SGCZ: variants seen among roughly 807,000 people sequenced by gnomAD.
The protein encoded by SGCZ is sarcoglycan zeta, also known as zeta-sarcoglycan.
Under a neutral mutation model 41.3 loss-of-function variants are expected in SGCZ, and 40 were observed. That is an observed-to-expected ratio of 0.97 (90% CI 0.75 to 1.26). The LOEUF is 1.26. Ranked by LOEUF, SGCZ falls within the 50% of genes most tolerant of loss-of-function variation. The pLI, the probability that SGCZ is intolerant of heterozygous loss-of-function variation, is 0.00. For synonymous variants in SGCZ, 206 were observed against 137.5 expected, an observed-to-expected ratio of 1.50 and a Z score of -3.49; for missense variants, 552 against 369.8, an observed-to-expected ratio of 1.49 and a Z score of -4.04.
chr8:15,015,460 G>A (rs1802989485), intron 1 of SGCZ, among the ~76,000 whole-genome samples: 1 of 152,020 alleles, frequency 6.6e-6, no homozygotes, highest in Non-Finnish European at 1.5e-5. Context: ...AGCACTTTGG[G>A]AGGCCAAGGC....
chr8:15,005,071 C>A lies in SGCZ; in HGVS notation c.39+232514G>T, dbSNP rs973388608. 2.0e-5 allele frequency among the ~76,000 whole-genome samples: 3 copies of A among 152,204 alleles called. No individual in the cohort carries two copies. The East Asian group carries it at 5.8e-4, about 29-fold the overall frequency. ...TCTTTCTAGATCACTTCACACGGTG[C>A]GCTAGATGGCAGAGGCTTCCTAAGG... On this transcript the variant is annotated intron_variant, in intron 1 of 7. Coordinates refer to ENST00000382080, the MANE Select transcript of SGCZ (RefSeq NM_139167.4).
Position 14,798,244 on chromosome 8 carries a change from G to C in SGCZ, c.40-243318C>G, listed in dbSNP as rs144056992. Among the ~76,000 whole-genome samples, 730 of 152,266 alleles carry C rather than the reference G, an allele frequency of 4.8e-3. 5 individuals carry two copies. The highest frequency in any genetic ancestry group is 0.016 in the African/African-American group (676 of 41,562). ...AAAAATCATTGACCCAATGAGGAAA[G>C]TATAGAAATCAATGAAGAAAGTATA... is the stretch of plus-strand genomic sequence containing the variant. On this transcript the variant is annotated intron_variant, in intron 1 of 7. Transcript: ENST00000382080.
chr8:15,224,792 G>A (rs756785028), intron 1 of SGCZ, among the ~76,000 whole-genome samples: 7 of 152,208 alleles, frequency 4.6e-5, no homozygotes, highest in Middle Eastern at 3.4e-3. Flanking sequence ...AGTGATATTC[G>A]TAAAAGCTGA....
Position 14,087,709 on chromosome 8 carries a change from ATT to A in SGCZ, c.*2732_*2733del, listed in dbSNP as rs56942554. ...TACTGTGCAATTAAGGGACCACTAT[ATT>A]TTTAAAAAAAAAAAAATGCTTTTTT... On this transcript the variant is annotated 3_prime_UTR_variant, in exon 8 of 8. Transcript: ENST00000382080. 1.6e-4 allele frequency among the ~76,000 whole-genome samples: 20 copies of A among 123,984 alleles called. No homozygotes were observed. Among genetic ancestry groups the A allele is most frequent in the African/African-American group, 4.2e-4 (11 of 26,118 alleles). The allele number at this position is 123,984 out of a possible 152,430, so 81.3% of individuals were successfully genotyped here.
rs117725649 is a variant in SGCZ, at chr8:14,550,912, T to C, written c.234+3820A>G. Among the ~76,000 whole-genome samples, 1,322 of 152,072 alleles carry C rather than the reference T, an allele frequency of 8.7e-3. 13 individuals carry two copies. Among genetic ancestry groups the C allele is most frequent in the Non-Finnish European group, 0.013 (898 of 67,954 alleles). On this transcript the variant is annotated intron_variant, in intron 2 of 7. Transcript: ENST00000382080. ...TTCCCTTTCAATCCAAAAACGACAA[T>C]GATACTCAATTATTTTCTTGGGATT...
chr8:14,421,872 C>G (rs11986178), intron 2 of SGCZ, among the ~76,000 whole-genome samples: 14 of 151,744 alleles, frequency 9.2e-5, no homozygotes, highest in African/African-American at 3.4e-4. Context: ...TACTTTGAAT[C>G]CAGAATCCTG....
chr8:14,780,926 G>C (rs889440259), intron 1 of SGCZ, among the ~76,000 whole-genome samples: 1 of 152,092 alleles, frequency 6.6e-6, no homozygotes, highest in Non-Finnish European at 1.5e-5. Context: ...AAATGAGTAA[G>C]CAAAATTTCT....
intron 2 of SGCZ, among the ~76,000 whole-genome samples, chr8:14,326,847 C>T (rs920110693): frequency 4.6e-5 from 7 of 152,144 alleles, no homozygotes; most frequent in Admixed American, 4.6e-4. Flanking sequence ...TTACCACCCA[C>T]TTACTGGCTC....
chr8:15,120,361 A>G (rs560344161), intron 1 of SGCZ, among the ~76,000 whole-genome samples: 10 of 152,324 alleles, frequency 6.6e-5, no homozygotes, highest in African/African-American at 2.4e-4. Flanking sequence ...AAAATCCTAT[A>G]CAGGTAGTAT....
At chr8:14,622,465 C>T (rs1806317592) in intron 1 of SGCZ, among the ~76,000 whole-genome samples, 1 of 152,128 alleles carries the variant, frequency 6.6e-6, no homozygotes. Flanking sequence ...TTACCAGCAT[C>T]CAGAGAAGCC....
intron 1 of SGCZ, among the ~76,000 whole-genome samples, chr8:14,736,669 T>C (rs1370589221): frequency 2.0e-5 from 3 of 152,054 alleles, no homozygotes; most frequent in Non-Finnish European, 4.4e-5. Context: ...ATTGTGTCAT[T>C]CTTATGCCTT....
At chr8:15,038,712 G>C (rs1384753884) in intron 1 of SGCZ, among the ~76,000 whole-genome samples, 1 of 148,844 alleles carries the variant, frequency 6.7e-6, no homozygotes, top group Non-Finnish European at 1.5e-5. Flanking sequence ...TATCACTTCT[G>C]ATAAGGAGTT....
At chr8:15,156,428 T>C (rs1237498674) in intron 1 of SGCZ, among the ~76,000 whole-genome samples, 1 of 152,200 alleles carries the variant, frequency 6.6e-6, no homozygotes, top group Non-Finnish European at 1.5e-5. Flanking sequence ...GAAAGACTCA[T>C]TTTATCAGCA....
intron 1 of SGCZ, among the ~76,000 whole-genome samples, chr8:14,961,968 C>T (rs919055096): frequency 2.5e-4 from 38 of 152,166 alleles, no homozygotes; most frequent in Non-Finnish European, 3.2e-4. Context: ...TCTTGCGGAG[C>T]ACTGATTATA....
chr8:14,426,759 G>A (rs1436617598), intron 2 of SGCZ, among the ~76,000 whole-genome samples: 2 of 152,080 alleles, frequency 1.3e-5, no homozygotes, highest in African/African-American at 4.8e-5. Context: ...AAAAGTGTAT[G>A]CTGAGAAAAA....
chr8:14,426,486 G>A (rs1248168295), intron 2 of SGCZ, among the ~76,000 whole-genome samples: 3 of 151,520 alleles, frequency 2.0e-5, no homozygotes, highest in African/African-American at 7.3e-5. Context: ...GAGAGGCAGA[G>A]AACTAGAGCA....
intron 1 of SGCZ, among the ~76,000 whole-genome samples, chr8:15,208,854 T>A (rs1801151969): frequency 6.7e-6 from 1 of 150,010 alleles, no homozygotes; most frequent in Admixed American, 6.7e-5. Context: ...CTTATATAAT[T>A]CCTATATATC....
At chr8:15,235,736 AAG>A (rs1274299470) in intron 1 of SGCZ, among the ~76,000 whole-genome samples, 3 of 146,454 alleles carry the variant, frequency 2.0e-5, no homozygotes, top group African/African-American at 8.3e-5. Flanking sequence ...TTTCAGGGGA[AAG>A]AATCACCCCA....
At chr8:15,224,530 A>G (rs1801706113) in intron 1 of SGCZ, among the ~76,000 whole-genome samples, 1 of 152,196 alleles carries the variant, frequency 6.6e-6, no homozygotes, top group Admixed American at 6.5e-5. Flanking sequence ...AAGGGAAGTA[A>G]TTTCTGGGAT....
Sources: gnomAD v4.1 joint callset for allele counts (sites outside exome capture counted in the v4.1 genomes callset) on GRCh38, gnomAD v4.1.1 for gene constraint, MANE v1.5 for transcripts, NCBI Gene and HGNC (gene_info 2026-07-23, HGNC 2026-07-21) for gene names.